The following PI4K2B variants were observed in gnomAD, a reference collection of about 807,000 sequenced individuals.
PI4K2B encodes phosphatidylinositol 4-kinase type 2 beta.
PI4K2B carries 46 observed loss-of-function variants against 56.6 expected under a neutral mutation model. The ratio of observed to expected loss-of-function variants is 0.81; its 90% confidence interval spans 0.64 to 1.04. The LOEUF (loss-of-function observed/expected upper bound fraction) is 1.04. Among genes scored for constraint, PI4K2B ranks in the 50% least tolerant of loss-of-function variants. The pLI, the probability that PI4K2B is intolerant of heterozygous loss-of-function variation, is 0.00. For synonymous variants in PI4K2B, 211 were observed against 223.8 expected, an observed-to-expected ratio of 0.94 and a Z score of 0.51; for missense variants, 556 against 607.7, an observed-to-expected ratio of 0.91 and a Z score of 0.89.
In PI4K2B at chr4:25,277,315, T is replaced by C. The variant is rs368648682; in HGVS notation, c.*128T>C. 4 of 1,150,864 alleles carry C rather than the reference T, an allele frequency of 3.5e-6. No homozygotes were observed. Among genetic ancestry groups the C allele is most frequent in the Admixed American group, 3.2e-5 (1 of 31,192 alleles). The allele number at this position is 1,150,864 out of a possible 1,614,324, so 71.3% of individuals were successfully genotyped here. The stretch of plus-strand genomic sequence containing the variant: ...AATTTAAGTCTTTAAAAGGTTGTAT[T>C]TTGAATGTAACCAAAAGTTTACAGT... On this transcript the variant is annotated 3_prime_UTR_variant, in exon 10 of 10. Transcript: ENST00000264864.
Position 25,256,530 on chromosome 4 carries a change from T to G in PI4K2B, c.625-13T>G, listed in dbSNP as rs1248399212. 9 of 1,605,370 alleles carry G rather than the reference T, an allele frequency of 5.6e-6. No individual in the cohort carries two copies. The highest frequency in any genetic ancestry group is 7.6e-6 in the Non-Finnish European group (9 of 1,177,368). On this transcript the variant is annotated splice_polypyrimidine_tract_variant and intron_variant, in intron 3 of 9. Coordinates refer to ENST00000264864, the MANE Select transcript of PI4K2B (RefSeq NM_018323.4). ...GCAAATTCTAACCATTTTTCTGAAT[T>G]GTATGTTTCTAGGTGGTTTGGCTTG...
rs76173451 is a variant in PI4K2B at position 25,276,833 on chromosome 4, G to A, written c.1273-181G>A. On this transcript the variant is annotated intron_variant, in intron 9 of 9. Transcript: ENST00000264864. ...TGTGTGTGTGCGCGTGTGTGTGTGC[G>A]CGTGTGTGTGTAAACATACATTCAT... is the stretch of plus-strand genomic sequence containing the variant. 3.1e-3 allele frequency: 3,019 copies of A among 966,540 alleles called. 82 individuals are homozygous for A. In the African/African-American group the frequency reaches 0.047, roughly 15 times the overall value. The allele number at this position is 966,540 out of a possible 1,614,324, so 59.9% of individuals were successfully genotyped here.
intron 1 of PI4K2B, among the ~76,000 whole-genome samples, chr4:25,235,566 C>T (rs1477015435): frequency 1.3e-5 from 2 of 152,226 alleles, no homozygotes. Context: ...CTTTAACCAA[C>T]GTCTGCTCCC....
At chr4:25,262,650 C>T (rs1457690901) in intron 6 of PI4K2B, among the ~76,000 whole-genome samples, 1 of 151,992 alleles carries the variant, frequency 6.6e-6, no homozygotes, top group East Asian at 1.9e-4. Context: ...AAAACACACA[C>T]TTTTAACTTT....
At chr4:25,262,056 G>A (rs1016865568) in intron 6 of PI4K2B, among the ~76,000 whole-genome samples, 1 of 152,202 alleles carries the variant, frequency 6.6e-6, no homozygotes, top group Non-Finnish European at 1.5e-5. Context: ...AGCACTTTGG[G>A]ACGCCAAGGT....
At chr4:25,275,105 A>G (rs1296216939) in intron 9 of PI4K2B, among the ~76,000 whole-genome samples, 3 of 152,152 alleles carry the variant, frequency 2.0e-5, no homozygotes, top group Non-Finnish European at 2.9e-5. Flanking sequence ...CACCTGGTCA[A>G]CGTTTCTGTT....
At chr4:25,256,904 G>A (rs1166274306) in intron 4 of PI4K2B, among the ~76,000 whole-genome samples, 1 of 151,234 alleles carries the variant, frequency 6.6e-6, no homozygotes, top group African/African-American at 2.4e-5. Flanking sequence ...TAGAGGGATG[G>A]GAGGTGTTTC....
At chr4:25,260,625 TATATATATATATATATACACAC>T (rs768179230) in intron 6 of PI4K2B, 34 bp downstream of exon 6, 24 of 273,864 alleles carry the variant, frequency 8.8e-5, no homozygotes, top group Middle Eastern at 1.1e-3. Context: ...TATATATATA[TATATATATATATATATACACAC>T]ACACACACAC....
chr4:25,276,882 C>T (rs1439224961), intron 9 of PI4K2B, 132 bp from the exon 10 acceptor site: 29 of 1,358,628 alleles, frequency 2.1e-5, no homozygotes, highest in Non-Finnish European at 2.7e-5. Flanking sequence ...ATAACAGGTA[C>T]TTATCTTCAC....
intron 1 of PI4K2B, among the ~76,000 whole-genome samples, chr4:25,245,292 A>G (rs1715708915): frequency 1.3e-5 from 2 of 152,202 alleles, no homozygotes. Context: ...AGCAATTTTT[A>G]GAAGCGGGAC....
At chr4:25,276,534 G>GT (rs1717100905) in intron 9 of PI4K2B, 1 of 514,056 alleles carries the variant, frequency 1.9e-6, no homozygotes, top group Non-Finnish European at 2.5e-6. Context: ...AAGTTTGCTT[G>GT]TTTTTTTAAC....
chr4:25,258,121 T>G (rs1383413031), intron 4 of PI4K2B, among the ~76,000 whole-genome samples: 3 of 152,098 alleles, frequency 2.0e-5, no homozygotes, highest in African/African-American at 7.2e-5. Flanking sequence ...AGGAAAGGAC[T>G]TTTTTAAAAC....
chr4:25,247,282 C>T (rs778481244), intron 1 of PI4K2B, among the ~76,000 whole-genome samples: 2 of 152,264 alleles, frequency 1.3e-5, no homozygotes, highest in Non-Finnish European at 2.9e-5. Flanking sequence ...CATAAGTGAG[C>T]TTTTGAAAGT....
At chr4:25,245,661 T>TTC (rs1715732452) in intron 1 of PI4K2B, among the ~76,000 whole-genome samples, 2 of 152,238 alleles carry the variant, frequency 1.3e-5, no homozygotes, top group South Asian at 4.2e-4. Flanking sequence ...GGCCGACAGG[T>TTC]GCCCGGTATT....
chr4:25,269,259 A>T, intron 9 of PI4K2B, 56 bp downstream of exon 9: 7 of 940,464 alleles, frequency 7.4e-6, no homozygotes, highest in Non-Finnish European at 1.2e-5. Flanking sequence ...AACAGTAGTC[A>T]ACTGTTTTCC....
At position 25,279,086 on chromosome 4, in the gene PI4K2B, A is replaced by G. The variant is rs1282733689; in HGVS notation, c.*1899A>G. On this transcript the variant is annotated 3_prime_UTR_variant, in exon 10 of 10. Transcript: ENST00000264864. ...TAAAGGTAATAAAAATCATTGTCTT[A>G]AGATTATGTTCTTCTGTATGTACGT... is the stretch of plus-strand genomic sequence containing the variant. 2 of 152,490 alleles carry G rather than the reference A, an allele frequency of 1.3e-5. No homozygotes were observed. Among genetic ancestry groups the G allele is most frequent in the African/African-American group, 4.8e-5 (2 of 41,414 alleles). 9.4% of individuals were successfully genotyped at this position (152,490 alleles called of 1,614,324 possible).
Position 25,260,507 on chromosome 4 carries a change from CTTGT to C in PI4K2B, c.911-10_911-7del. The C allele has an allele frequency of 7.9e-7, 1 of 1,273,464 alleles. No individual in the cohort carries two copies. Among genetic ancestry groups the C allele is most frequent in the Non-Finnish European group, 1.1e-6 (1 of 936,834 alleles). The allele number at this position is 1,273,464 out of a possible 1,614,324, so 78.9% of individuals were successfully genotyped here. A position where few individuals can be genotyped will look rare whatever the true frequency, so the allele number is the denominator to read the frequency against. The stretch of plus-strand genomic sequence containing the variant: ...CCATAGAAATGAAGTAACAGATTTT[CTTGT>C]TTGTTTTGAAAGACAGGGGCAATGA... On this transcript the variant is annotated splice_polypyrimidine_tract_variant and intron_variant, in intron 5 of 9. Transcript: ENST00000264864.
chr4:25,236,206 AAAATAAAT>A (rs55804997), intron 1 of PI4K2B, among the ~76,000 whole-genome samples: 20,904 of 139,472 alleles, frequency 0.15, 1,861 homozygotes, highest in African/African-American at 0.24. Flanking sequence ...CTCTGTCTCA[AAAATAAAT>A]AAATAAATAA....
chr4:25,269,281 T>G (rs1466094014), intron 9 of PI4K2B, 78 bp downstream of exon 9: 9 of 796,572 alleles, frequency 1.1e-5, no homozygotes, highest in Non-Finnish European at 2.0e-5. Context: ...CACTGTGATC[T>G]GGAGATGGAA....
Sources: gnomAD v4.1 joint callset for allele counts (sites outside exome capture counted in the v4.1 genomes callset) on GRCh38, gnomAD v4.1.1 for gene constraint, MANE v1.5 for transcripts, NCBI Gene and HGNC (gene_info 2026-07-23, HGNC 2026-07-21) for gene names.